AQP9: variants seen among roughly 807,000 people sequenced by gnomAD.
AQP9 encodes aquaporin-9.
A neutral mutation model predicts 23.8 loss-of-function variants in AQP9; 19 were observed. That is an observed-to-expected ratio of 0.80 (90% CI 0.56 to 1.17). The LOEUF (loss-of-function observed/expected upper bound fraction) is 1.17, where lower values mean the gene tolerates loss of function less well. Among genes scored for constraint, AQP9 ranks in the 50% most tolerant of loss-of-function variants. The pLI is 0.00. For synonymous variants in AQP9, 153 were observed against 131.5 expected (o/e 1.16, Z -1.12); for missense variants, 413 against 362.0 (o/e 1.14, Z -1.14).
chr15:58,149,652 A>C (rs2140591966), intron 1 of AQP9, among the ~76,000 whole-genome samples: 1 of 152,340 alleles, frequency 6.6e-6, no homozygotes, highest in East Asian at 1.9e-4. Context: ...TAGTCACATA[A>C]GCTGAATAGG....
At chr15:58,176,159 G>A (rs8023365) in intron 4 of AQP9, among the ~76,000 whole-genome samples, 4,543 of 152,276 alleles carry the variant, frequency 0.03, 233 homozygotes, top group African/African-American at 0.1. Context: ...ATTGTAAGCA[G>A]TATCTGCCCA....
At chr15:58,181,399 T>A (rs1185301591) in intron 5 of AQP9, among the ~76,000 whole-genome samples, 1 of 152,176 alleles carries the variant, frequency 6.6e-6, no homozygotes, top group African/African-American at 2.4e-5. Context: ...TCAAGTGCCA[T>A]TAAAGAGATT....
At chr15:58,180,223 A>G (rs1336993312) in intron 5 of AQP9, among the ~76,000 whole-genome samples, 6 of 152,330 alleles carry the variant, frequency 3.9e-5, no homozygotes, top group African/African-American at 1.4e-4. Context: ...TCATCAGGAA[A>G]CAGGGCTCTA....
chr15:58,153,495 A>G (rs1383224137), intron 1 of AQP9: 1 of 152,202 alleles, frequency 6.6e-6, no homozygotes. Flanking sequence ...ATCAAAAAAA[A>G]AATCGTAGCA....
intron 5 of AQP9, among the ~76,000 whole-genome samples, chr15:58,182,886 G>C (rs1403303126): frequency 3.9e-5 from 6 of 152,162 alleles, no homozygotes; most frequent in African/African-American, 1.4e-4. Flanking sequence ...GGTTTGATTT[G>C]CTCAAAGACC....
At chr15:58,147,315 G>A (rs944919618) in intron 1 of AQP9, among the ~76,000 whole-genome samples, 10 of 152,038 alleles carry the variant, frequency 6.6e-5, no homozygotes, top group African/African-American at 2.4e-4. Context: ...ACATACTAAT[G>A]AGAGCAGAAG....
At chr15:58,177,398 A>G (rs1474126503) in intron 4 of AQP9, among the ~76,000 whole-genome samples, 7 of 152,218 alleles carry the variant, frequency 4.6e-5, no homozygotes, top group African/African-American at 1.7e-4. Flanking sequence ...GTAAAGTCAG[A>G]ATGTCATGGA....
At chr15:58,138,749 T>G in intron 1 of AQP9, 73 bp downstream of exon 1, 1 of 1,279,698 alleles carries the variant, frequency 7.8e-7, no homozygotes, top group African/African-American at 1.5e-5. Context: ...AGTGGAGAGT[T>G]TTGTTTGGTT....
intron 1 of AQP9, among the ~76,000 whole-genome samples, chr15:58,145,590 A>G (rs1213125585): frequency 6.6e-6 from 1 of 152,122 alleles, no homozygotes; most frequent in Non-Finnish European, 1.5e-5. Flanking sequence ...TCTAACTCCA[A>G]TCAACCACTC....
At chr15:58,148,406 A>G (rs1898088175) in intron 1 of AQP9, among the ~76,000 whole-genome samples, 1 of 152,172 alleles carries the variant, frequency 6.6e-6, no homozygotes, top group African/African-American at 2.4e-5. Context: ...AGGAGCATCT[A>G]ATGGAACTAA....
intron 1 of AQP9, chr15:58,155,330 T>C (rs551355278): frequency 6.6e-6 from 1 of 152,294 alleles, no homozygotes; most frequent in South Asian, 2.1e-4. Flanking sequence ...CTCACGACCA[T>C]AGCAATAGCA....
intron 1 of AQP9, among the ~76,000 whole-genome samples, chr15:58,166,314 G>A (rs560303803): frequency 2.0e-5 from 3 of 152,242 alleles, no homozygotes; most frequent in South Asian, 4.2e-4. Context: ...AGGTACATGG[G>A]ACTTTTCTGT....
intron 1 of AQP9, among the ~76,000 whole-genome samples, chr15:58,161,429 C>A (rs1898381115): frequency 6.6e-6 from 1 of 152,112 alleles, no homozygotes; most frequent in African/African-American, 2.4e-5. Context: ...TCTAGCATTG[C>A]TTTCCTACAA....
Position 58,184,010 on chromosome 15 carries a change from G to C in AQP9, c.763G>C (p.Ala255Pro). 3 of 1,614,140 alleles carry C rather than the reference G, an allele frequency of 1.9e-6. No homozygotes were observed. The highest frequency in any genetic ancestry group is 2.5e-6 in the Non-Finnish European group (3 of 1,180,016). ...WIPVVGPLVG[A>P]VIGGLIYVLV... Reference sequence around the variant, plus strand: ...TCCTGTAGTGGGCCCTTTGGTTGGTGCTGTCATTGGAGGCCTCATCTATGT... The same window carrying C: ...TCCTGTAGTGGGCCCTTTGGTTGGTCCTGTCATTGGAGGCCTCATCTATGT... The change falls in exon 6 of 6, where the codon GCT becomes CCT. Residue 255 changes from alanine to proline, a missense_variant. Transcript: ENST00000219919.
At chr15:58,145,122 G>A (rs1428056034) in intron 1 of AQP9, among the ~76,000 whole-genome samples, 5 of 151,352 alleles carry the variant, frequency 3.3e-5, no homozygotes, top group African/African-American at 9.7e-5. Context: ...AGTAATTTCT[G>A]CTTTGATCTT....
chr15:58,183,893 G>A (rs376382552), intron 5 of AQP9, 68 bp from the exon 6 acceptor site: 11 of 1,540,876 alleles, frequency 7.1e-6, no homozygotes, highest in Non-Finnish European at 8.9e-6. Flanking sequence ...ACAAGTGAGT[G>A]AAAAACTAGA....
At chr15:58,175,266 G>A (rs913319060) in intron 4 of AQP9, among the ~76,000 whole-genome samples, 4 of 152,174 alleles carry the variant, frequency 2.6e-5, no homozygotes, top group Admixed American at 1.3e-4. Context: ...TTTAACATTA[G>A]TTGAGATCCA....
In AQP9 at chr15:58,184,005, T is replaced by C. The variant is rs143394617; in HGVS notation, c.758T>C (p.Val253Ala). 891 of 1,614,118 alleles carry C rather than the reference T, an allele frequency of 5.5e-4. 5 individuals are homozygous for C. In the East Asian group the frequency reaches 0.012, roughly 22 times the overall value. Residue 253 changes from valine (V) to alanine (A), a missense_variant, in exon 6 of 6, where the codon GTT becomes GCT. Physicochemically the swap from Val to Ala is moderately conservative, Grantham distance 64 (BLOSUM62 0). Coordinates refer to ENST00000219919, the MANE Select transcript of AQP9 (RefSeq NM_020980.5). ...FWWIPVVGPL[V>A]GAVIGGLIYV... is the part of the protein sequence containing the mutation. ...TGGATTCCTGTAGTGGGCCCTTTGG[T>C]TGGTGCTGTCATTGGAGGCCTCATC...
intron 1 of AQP9, among the ~76,000 whole-genome samples, chr15:58,164,439 AAGTTGTGCCCAGAGCATTT>A (rs1272162533): frequency 6.6e-6 from 1 of 152,136 alleles, no homozygotes; most frequent in Non-Finnish European, 1.5e-5. Flanking sequence ...GTTCACCTGG[AAGTTGTGCCCAGAGCATTT>A]AATTGGATTT....
Sources: allele counts gnomAD v4.1 joint callset (sites outside exome capture counted in the v4.1 genomes callset), GRCh38; gene constraint gnomAD v4.1.1; transcripts MANE v1.5; gene names NCBI Gene and HGNC (gene_info 2026-07-23, HGNC 2026-07-21).